Variants in DOCK10 observed in about 807,000 individuals in gnomAD.
The protein encoded by DOCK10 is dedicator of cytokinesis 10.
Under a neutral mutation model 280.1 loss-of-function variants are expected in DOCK10, and 145 were observed. The observed-to-expected ratio is 0.52, with a 90% CI of 0.45 to 0.59. The LOEUF (loss-of-function observed/expected upper bound fraction) is 0.59, where lower values mean the gene tolerates loss of function less well. Ranked by LOEUF, DOCK10 falls within the 20% of genes least tolerant of loss-of-function variation. DOCK10 has a pLI of 0.00. For missense variants in DOCK10, 2,368 were observed against 2,651.7 expected, an observed-to-expected ratio of 0.89 and a Z score of 2.35; for synonymous variants, 915 against 942.2, an observed-to-expected ratio of 0.97 and a Z score of 0.53.
At chr2:224,931,150 A>G (rs1456412808) in intron 2 of DOCK10, among the ~76,000 whole-genome samples, 2 of 152,182 alleles carry the variant, frequency 1.3e-5, no homozygotes, top group Non-Finnish European at 2.9e-5. Flanking sequence ...TAAGAACTGC[A>G]TCTTTTGTGC....
intron 1 of DOCK10, among the ~76,000 whole-genome samples, chr2:224,936,546 C>T (rs1195947293): frequency 6.6e-6 from 1 of 152,084 alleles, no homozygotes; most frequent in Non-Finnish European, 1.5e-5. Flanking sequence ...AATTATGGTA[C>T]ATTCATCCTA....
chr2:225,038,970 CT>C (rs1229878704), intron 1 of DOCK10, among the ~76,000 whole-genome samples: 1 of 152,132 alleles, frequency 6.6e-6, no homozygotes, highest in East Asian at 1.9e-4. Flanking sequence ...TTTACCTATA[CT>C]TTTTTTAAAA....
rs1691751561 is a variant in DOCK10 at position 224,786,678 on chromosome 2, T to C, written c.5655+344A>G. On this transcript the variant is annotated intron_variant, in intron 50 of 55. Transcript: ENST00000258390. This position sits in a 1 kb window ranked among gnomAD's most constrained non-coding sequence, Gnocchi z 4.7. ...ATTAGGAATGTTATTTCTTAAAACA[T>C]ATTCAATTTAATTTCACTTTAATAT... Among the ~76,000 whole-genome samples, 1 of 152,256 alleles carries C rather than the reference T, an allele frequency of 6.6e-6. No homozygotes were observed. The highest frequency in any genetic ancestry group is 2.4e-5 in the African/African-American group (1 of 41,458).
chr2:224,942,427 G>A (rs1346896760), intron 1 of DOCK10, among the ~76,000 whole-genome samples: 1 of 152,152 alleles, frequency 6.6e-6, no homozygotes, highest in African/African-American at 2.4e-5. Context: ...GCTTTCCTTT[G>A]TGTTTCAACC....
In DOCK10 at chr2:224,793,064, T is replaced by C. The variant is rs1005621147; in HGVS notation, c.5221A>G (p.Lys1741Glu). ...AEYLKRKGYW[K>E]VEKICTASLL... The stretch of plus-strand genomic sequence containing the variant: ...GATGCTGTGCAAATCTTTTCCACTT[T>C]CCAGTAACCTATGGTAGTGCAAGAT... Residue 1741 changes from lysine (K) to glutamate (E), a missense_variant, in exon 47 of 56, where the codon AAA becomes GAA. This residue lies in a region of DOCK10 where 1,159 missense variants were observed against 1,400.8 expected (regional missense o/e 0.83). Coordinates refer to ENST00000258390, the MANE Select transcript of DOCK10 (RefSeq NM_014689.3). The C allele has an allele frequency of 3.7e-6, 6 of 1,611,730 alleles. No individual in the cohort carries two copies. Among genetic ancestry groups the C allele is most frequent in the Non-Finnish European group, 5.1e-6 (6 of 1,178,230 alleles).
At chr2:224,954,836 A>C (rs1198132880) in intron 1 of DOCK10, among the ~76,000 whole-genome samples, 1 of 152,204 alleles carries the variant, frequency 6.6e-6, no homozygotes, top group Admixed American at 6.5e-5. Context: ...TCATTATACT[A>C]TTTTTCCTCT....
intron 1 of DOCK10, 80 bp from the exon 2 acceptor site, chr2:224,931,748 A>G: frequency 7.7e-7 from 1 of 1,305,118 alleles, no homozygotes; most frequent in Non-Finnish European, 1.0e-6. Flanking sequence ...TTCATCTCTT[A>G]GTTATCATTG....
intron 1 of DOCK10, among the ~76,000 whole-genome samples, chr2:224,997,551 C>G (rs971422118): frequency 6.6e-6 from 1 of 152,134 alleles, no homozygotes. Context: ...TTTTTAACAG[C>G]AGCACCATTT....
chr2:224,957,283 C>CCG (rs1553622516), intron 1 of DOCK10, among the ~76,000 whole-genome samples: 1 of 91,702 alleles, frequency 1.1e-5, no homozygotes, highest in Non-Finnish European at 2.5e-5. Flanking sequence ...TTTTTACTTT[C>CCG]CGCCCCCCCC....
chr2:224,972,902 CAAAT>C (rs1705178067), intron 1 of DOCK10, among the ~76,000 whole-genome samples: 3 of 152,278 alleles, frequency 2.0e-5, no homozygotes, highest in South Asian at 2.1e-4. Context: ...GAAGAGAACT[CAAAT>C]AAACTTATGT....
At chr2:224,956,953 C>T (rs960027639) in intron 1 of DOCK10, among the ~76,000 whole-genome samples, 3 of 152,222 alleles carry the variant, frequency 2.0e-5, no homozygotes, top group Admixed American at 6.5e-5. Flanking sequence ...TCACTGGCCA[C>T]GGCTGTGCTT....
chr2:224,820,859 T>C (rs1357879267), intron 28 of DOCK10, among the ~76,000 whole-genome samples: 2 of 152,210 alleles, frequency 1.3e-5, no homozygotes, highest in Non-Finnish European at 2.9e-5. Flanking sequence ...CAACAGCTCA[T>C]TGAAACAAAG....
intron 22 of DOCK10, among the ~76,000 whole-genome samples, chr2:224,843,362 G>T (rs748328002): frequency 6.6e-6 from 1 of 152,162 alleles, no homozygotes; most frequent in Non-Finnish European, 1.5e-5. Context: ...TCAGCTATTT[G>T]GAGAAAGCAG....
intron 24 of DOCK10, among the ~76,000 whole-genome samples, chr2:224,838,626 A>G (rs1156905803): frequency 6.6e-6 from 1 of 152,236 alleles, no homozygotes; most frequent in Non-Finnish European, 1.5e-5. Context: ...TGCTTTAAAA[A>G]CTAGGCTACA....
chr2:224,902,652 G>C (rs574951693), intron 3 of DOCK10, among the ~76,000 whole-genome samples: 46 of 152,024 alleles, frequency 3.0e-4, no homozygotes, highest in African/African-American at 1.0e-3. Context: ...GGATGTGTGG[G>C]TCACCCAACA....
chr2:224,876,303 G>A, intron 7 of DOCK10, 82 bp from the exon 8 acceptor site: 1 of 1,262,734 alleles, frequency 7.9e-7, no homozygotes, highest in Non-Finnish European at 1.1e-6. Context: ...TGGGCTTGAG[G>A]TTCCAAAAGT....
intron 1 of DOCK10, among the ~76,000 whole-genome samples, chr2:225,021,292 G>C (rs563468438): frequency 6.6e-5 from 10 of 152,154 alleles, no homozygotes; most frequent in Non-Finnish European, 1.5e-4. Context: ...ACAGACGGTT[G>C]GTTAAACAGT....
Position 224,859,163 on chromosome 2 carries a change from C to T in DOCK10, c.1686-2181G>A, listed in dbSNP as rs199936886. ...AAGTTGGATGACCATTTGTTAAAGA[C>T]GTTGTCAGTATGGGAATCTTAAATG... is the stretch of plus-strand genomic sequence containing the variant. On this transcript the variant is annotated intron_variant, in intron 14 of 55. Transcript: ENST00000258390. Among the ~76,000 whole-genome samples, 314 of 152,268 alleles carry T rather than the reference C, an allele frequency of 2.1e-3. 1 individual carries two copies. Among genetic ancestry groups the T allele is most frequent in the Non-Finnish European group, 3.6e-3 (247 of 68,026 alleles).
chr2:224,993,778 G>C (rs369939156), intron 1 of DOCK10, among the ~76,000 whole-genome samples: 123 of 152,266 alleles, frequency 8.1e-4, no homozygotes, highest in African/African-American at 2.7e-3. Context: ...AGTTCAAATG[G>C]AGATTGGCTC....
Sources: allele counts gnomAD v4.1 joint callset (sites outside exome capture counted in the v4.1 genomes callset), GRCh38; gene constraint gnomAD v4.1.1; regional missense constraint gnomAD v4.1.1; non-coding constraint Gnocchi (gnomAD v3.1); transcripts MANE v1.5; gene names NCBI Gene and HGNC (gene_info 2026-07-23, HGNC 2026-07-21).